The following GALNT1 variants were observed in gnomAD, a reference collection of about 807,000 sequenced individuals.
The protein encoded by GALNT1 is GalNAc transferase 1.
In GALNT1, 17 loss-of-function variants were observed where a neutral mutation model predicts 65.7. That is an observed-to-expected ratio of 0.26 (90% CI 0.18 to 0.39). The LOEUF (loss-of-function observed/expected upper bound fraction) is 0.39. Among genes scored for constraint, GALNT1 ranks in the 10% least tolerant of loss-of-function variants. GALNT1 has a pLI of 1.00. For missense variants in GALNT1, 460 were observed against 672.8 expected (o/e 0.68, Z 3.50); for synonymous variants, 210 against 219.7 (o/e 0.96, Z 0.39).
At chr18:35,703,734 A>T in intron 11 of GALNT1, 91 bp downstream of exon 11, 1 of 1,281,422 alleles carries the variant, frequency 7.8e-7, no homozygotes, top group East Asian at 2.5e-5. Context: ...GTTCTTGTGG[A>T]CCTTGAATAT....
At chr18:35,688,603 T>C (rs982440526) in intron 6 of GALNT1, among the ~76,000 whole-genome samples, 12 of 152,192 alleles carry the variant, frequency 7.9e-5, no homozygotes, top group Admixed American at 2.0e-4. Flanking sequence ...AAGGAACATA[T>C]TGATTTTATT....
intron 1 of GALNT1, among the ~76,000 whole-genome samples, chr18:35,635,795 A>G (rs149599220): frequency 2.0e-5 from 3 of 151,838 alleles, no homozygotes; most frequent in African/African-American, 7.2e-5. Context: ...TGGATTTCCT[A>G]TTTTTGTCCA....
chr18:35,631,403 T>TA (rs745489669), intron 1 of GALNT1, among the ~76,000 whole-genome samples: 132 of 152,234 alleles, frequency 8.7e-4, no homozygotes, highest in Middle Eastern at 6.8e-3. Context: ...TGGTTCAACA[T>TA]ACGCAAATCA....
intron 1 of GALNT1, among the ~76,000 whole-genome samples, chr18:35,630,843 T>C (rs1198009934): frequency 6.6e-6 from 1 of 152,050 alleles, no homozygotes; most frequent in Non-Finnish European, 1.5e-5. Context: ...AAGAATCAAA[T>C]AGACGCAATA....
chr18:35,647,435 A>G (rs2047245134), intron 1 of GALNT1, among the ~76,000 whole-genome samples: 1 of 146,632 alleles, frequency 6.8e-6, no homozygotes, highest in Admixed American at 6.9e-5. Context: ...GAATGAGTTA[A>G]TAAGTGAATT....
intron 1 of GALNT1, among the ~76,000 whole-genome samples, chr18:35,648,355 A>G (rs1327988024): frequency 6.6e-6 from 1 of 152,166 alleles, no homozygotes; most frequent in Admixed American, 6.5e-5. Context: ...AAGTGTTCTG[A>G]GCACATTTAA....
At chr18:35,631,548 G>C (rs1456577132) in intron 1 of GALNT1, among the ~76,000 whole-genome samples, 1 of 152,042 alleles carries the variant, frequency 6.6e-6, no homozygotes, top group Non-Finnish European at 1.5e-5. Context: ...GTATTCATGG[G>C]ACATATCTCA....
Position 35,663,609 on chromosome 18 carries a change from A to G in GALNT1, c.140-19A>G, listed in dbSNP as rs779900121. 4 of 1,584,642 alleles carry G rather than the reference A, an allele frequency of 2.5e-6. No individual in the cohort carries two copies. In the Admixed American group the frequency reaches 7.9e-5, roughly 31 times the overall value. ...ATTGCTATGAAATTAATGTTAGTTA[A>G]GTTTCTTCCTATTCTTAGTTCTAGA... is the stretch of plus-strand genomic sequence containing the variant. On this transcript the variant is annotated intron_variant, in intron 2 of 11. Coordinates refer to ENST00000269195, the MANE Select transcript of GALNT1 (RefSeq NM_020474.4).
chr18:35,655,774 T>C (rs924719967), intron 2 of GALNT1, among the ~76,000 whole-genome samples: 2 of 152,224 alleles, frequency 1.3e-5, no homozygotes, highest in South Asian at 4.1e-4. Flanking sequence ...TTTGTATTGT[T>C]AACTGTACCA....
chr18:35,655,609 T>C (rs1446086942), intron 2 of GALNT1, among the ~76,000 whole-genome samples: 1 of 151,918 alleles, frequency 6.6e-6, no homozygotes, highest in African/African-American at 2.4e-5. Context: ...AATACATGGC[T>C]ATACAGCAGT....
chr18:35,611,944 G>A (rs914385427), intron 1 of GALNT1, among the ~76,000 whole-genome samples: 1 of 152,026 alleles, frequency 6.6e-6, no homozygotes, highest in Non-Finnish European at 1.5e-5. Flanking sequence ...AAATTTGTAG[G>A]CCTTGCCCTT....
At chr18:35,644,107 A>T (rs771912331) in intron 1 of GALNT1, among the ~76,000 whole-genome samples, 1 of 152,174 alleles carries the variant, frequency 6.6e-6, no homozygotes, top group African/African-American at 2.4e-5. Flanking sequence ...CATCATGACT[A>T]CCCCAAATGA....
chr18:35,650,061 G>C (rs768251288), intron 1 of GALNT1, among the ~76,000 whole-genome samples: 1 of 152,124 alleles, frequency 6.6e-6, no homozygotes, highest in Non-Finnish European at 1.5e-5. Flanking sequence ...GGAAAATGTG[G>C]GATGTTTGTT....
At chr18:35,682,415 T>A (rs1390466171) in intron 4 of GALNT1, among the ~76,000 whole-genome samples, 1 of 152,168 alleles carries the variant, frequency 6.6e-6, no homozygotes, top group Admixed American at 6.6e-5. Context: ...ATAATCTCTC[T>A]AGGGGTTCCA....
chr18:35,601,042 G>C (rs1443855082), intron 1 of GALNT1, among the ~76,000 whole-genome samples: 1 of 152,046 alleles, frequency 6.6e-6, no homozygotes, highest in Admixed American at 6.6e-5. Context: ...TTAAGTGTTT[G>C]GTAGAATTCA....
chr18:35,704,677 T>G lies in GALNT1; in HGVS notation c.1533+1034T>G, dbSNP rs113582473. Among the ~76,000 whole-genome samples, 242 of 150,820 alleles carry G rather than the reference T, an allele frequency of 1.6e-3. 2 individuals are homozygous for G. The highest frequency in any genetic ancestry group is 5.4e-3 in the African/African-American group (222 of 41,032). On this transcript the variant is annotated intron_variant, in intron 11 of 11. Coordinates refer to ENST00000269195, the MANE Select transcript of GALNT1 (RefSeq NM_020474.4). ...TTATTTTTTTGAGATGGAGTCTCGC[T>G]CTTATCGCCCAGGCTGGAGTGCAGT...
intron 2 of GALNT1, among the ~76,000 whole-genome samples, chr18:35,658,760 A>G (rs1429873790): frequency 2.0e-5 from 3 of 148,680 alleles, no homozygotes; most frequent in African/African-American, 7.5e-5. Context: ...CCCAGGCTGG[A>G]GTGCAATGGC....
At chr18:35,584,588 C>T (rs534078773) in intron 1 of GALNT1, among the ~76,000 whole-genome samples, 1 of 152,276 alleles carries the variant, frequency 6.6e-6, no homozygotes, top group East Asian at 1.9e-4. Flanking sequence ...TATTTATTGA[C>T]TCAGCAGTCC....
chr18:35,678,258 ATC>A (rs1375272843), intron 4 of GALNT1, among the ~76,000 whole-genome samples: 8 of 152,134 alleles, frequency 5.3e-5, no homozygotes, highest in Non-Finnish European at 1.2e-4. Flanking sequence ...TTCAGGAATG[ATC>A]TATAGCTAGG....
Sources: gnomAD v4.1 joint callset for allele counts (sites outside exome capture counted in the v4.1 genomes callset) on GRCh38, gnomAD v4.1.1 for gene constraint, MANE v1.5 for transcripts, NCBI Gene and HGNC (gene_info 2026-07-23, HGNC 2026-07-21) for gene names.